The following CTNNA3 variants were observed in gnomAD, a reference collection of about 807,000 sequenced individuals.
The protein encoded by CTNNA3 is catenin alpha 3, also known as catenin alpha-3.
A neutral mutation model predicts 95.7 loss-of-function variants in CTNNA3; 76 were observed. The ratio of observed to expected loss-of-function variants is 0.79; its 90% CI spans 0.66 to 0.96. The LOEUF (loss-of-function observed/expected upper bound fraction) is 0.96, where lower values mean the gene tolerates loss of function less well. Among genes scored for constraint, CTNNA3 ranks in the 40% least tolerant of loss-of-function variants. The pLI is 0.00. For synonymous variants in CTNNA3, 431 were observed against 374.4 expected, an observed-to-expected ratio of 1.15 and a Z score of -1.74; for missense variants, 1,191 against 1,089.8, an observed-to-expected ratio of 1.09 and a Z score of -1.31.
At chr10:66,094,475 A>C (rs190798080) in intron 14 of CTNNA3, among the ~76,000 whole-genome samples, 1 of 152,224 alleles carries the variant, frequency 6.6e-6, no homozygotes, top group African/African-American at 2.4e-5. Flanking sequence ...TACAAAACTG[A>C]TGGCAGGAGA....
intron 13 of CTNNA3, among the ~76,000 whole-genome samples, chr10:66,224,712 CTT>C (rs748158656): frequency 1.3e-5 from 2 of 152,112 alleles, no homozygotes; most frequent in Non-Finnish European, 2.9e-5. Context: ...AAGGATGTGG[CTT>C]TCTTAAAATA....
intron 3 of CTNNA3, among the ~76,000 whole-genome samples, chr10:67,590,278 T>A (rs745682747): frequency 3.3e-5 from 5 of 152,132 alleles, no homozygotes; most frequent in African/African-American, 4.8e-5. Flanking sequence ...TGTGTTTGCA[T>A]AATTCAAATG....
At chr10:66,059,435 A>G (rs960440177) in intron 15 of CTNNA3, among the ~76,000 whole-genome samples, 1 of 152,150 alleles carries the variant, frequency 6.6e-6, no homozygotes, top group Non-Finnish European at 1.5e-5. Flanking sequence ...ACTCAGGTAT[A>G]AAAACCTTGA....
At chr10:67,541,277 G>T (rs1291889698) in intron 3 of CTNNA3, among the ~76,000 whole-genome samples, 2 of 151,636 alleles carry the variant, frequency 1.3e-5, no homozygotes, top group Non-Finnish European at 1.5e-5. Flanking sequence ...ATACAAAAGG[G>T]TCTGTCTTAT....
At chr10:67,543,662 G>T (rs116315610) in intron 3 of CTNNA3, among the ~76,000 whole-genome samples, 27 of 152,156 alleles carry the variant, frequency 1.8e-4, no homozygotes, top group African/African-American at 6.3e-4. Context: ...ATATGCATCT[G>T]TCCAAGTGAT....
chr10:66,369,335 C>G (rs1034242521), intron 12 of CTNNA3, among the ~76,000 whole-genome samples: 1 of 152,080 alleles, frequency 6.6e-6, no homozygotes, highest in African/African-American at 2.4e-5. Context: ...TGGCTTTATT[C>G]GAACTACTTC....
intron 13 of CTNNA3, among the ~76,000 whole-genome samples, chr10:66,168,906 T>C (rs1004287685): frequency 5.9e-5 from 9 of 152,178 alleles, no homozygotes; most frequent in African/African-American, 9.7e-5. Context: ...AATTCAAAGA[T>C]ATGATTTCTT....
At chr10:66,182,996 T>C (rs2086136000) in intron 13 of CTNNA3, among the ~76,000 whole-genome samples, 2 of 152,078 alleles carry the variant, frequency 1.3e-5, no homozygotes, top group Admixed American at 6.5e-5. Context: ...CCCAGCAGAG[T>C]GTTCACTATC....
At chr10:67,319,517 T>C (rs1213475527) in intron 5 of CTNNA3, among the ~76,000 whole-genome samples, 3 of 152,152 alleles carry the variant, frequency 2.0e-5, no homozygotes, top group African/African-American at 7.2e-5. Context: ...AGAAAGTTAA[T>C]GGAGCTCCCT....
intron 13 of CTNNA3, among the ~76,000 whole-genome samples, chr10:66,176,206 AATT>A (rs1450852640): frequency 6.6e-6 from 1 of 152,164 alleles, no homozygotes; most frequent in Non-Finnish European, 1.5e-5. Context: ...GAAAGAGTAT[AATT>A]ATACAATTAA....
chr10:66,230,730 G>A (rs2089545570), intron 13 of CTNNA3, among the ~76,000 whole-genome samples: 1 of 152,132 alleles, frequency 6.6e-6, no homozygotes, highest in Non-Finnish European at 1.5e-5. Flanking sequence ...GTCCCTGATG[G>A]TGATGGAAAG....
chr10:66,972,713 T>C (rs1290254321), intron 7 of CTNNA3, among the ~76,000 whole-genome samples: 1 of 149,114 alleles, frequency 6.7e-6, no homozygotes, highest in Non-Finnish European at 1.5e-5. Flanking sequence ...TTTTTTTTTT[T>C]TTTTTTTTTT....
At chr10:67,184,960 A>C (rs1021998330) in intron 6 of CTNNA3, among the ~76,000 whole-genome samples, 1 of 152,198 alleles carries the variant, frequency 6.6e-6, no homozygotes, top group African/African-American at 2.4e-5. Flanking sequence ...GTTGAAATCC[A>C]TGCATAGTTT....
chr10:66,766,353 C>A lies in CTNNA3; in HGVS notation c.1192G>T (p.Val398Phe). ...SFLDTTVPLL[V>F]LIEAAKNGRE... ...CCATTCTTAGCAGCTTCAATGAGAACCAAAAGAGGGACTGTCGTATCCAGG... is the reference window on the plus strand; with the variant it reads ...CCATTCTTAGCAGCTTCAATGAGAAACAAAAGAGGGACTGTCGTATCCAGG... Residue 398 changes from valine to phenylalanine, a missense_variant, in exon 9 of 18, where the codon GTT becomes TTT. Coordinates refer to ENST00000433211, the MANE Select transcript of CTNNA3 (RefSeq NM_013266.4). The A allele has an allele frequency of 6.2e-7, 1 of 1,613,618 alleles. No individual in the cohort carries two copies. Among genetic ancestry groups the A allele is most frequent in the Non-Finnish European group, 8.5e-7 (1 of 1,179,724 alleles).
chr10:67,039,318 A>G (rs1395380397), intron 7 of CTNNA3, among the ~76,000 whole-genome samples: 1 of 152,142 alleles, frequency 6.6e-6, no homozygotes, highest in Non-Finnish European at 1.5e-5. Flanking sequence ...CAGTTAACAT[A>G]AATGCTAAAA....
intron 13 of CTNNA3, among the ~76,000 whole-genome samples, chr10:66,109,005 C>T (rs960665390): frequency 6.6e-6 from 1 of 152,148 alleles, no homozygotes; most frequent in African/African-American, 2.4e-5. Flanking sequence ...AAGAGATTCT[C>T]AGATGTGGAG....
At chr10:67,214,647 A>G (rs551615450) in intron 6 of CTNNA3, among the ~76,000 whole-genome samples, 1 of 152,058 alleles carries the variant, frequency 6.6e-6, no homozygotes, top group East Asian at 1.9e-4. Context: ...AGTTGTTGAC[A>G]ATAAACTATT....
At chr10:67,260,569 T>C (rs1205994980) in intron 5 of CTNNA3, among the ~76,000 whole-genome samples, 1 of 152,188 alleles carries the variant, frequency 6.6e-6, no homozygotes, top group Non-Finnish European at 1.5e-5. Flanking sequence ...TCCAAACCAT[T>C]AGGCAAGAAG....
chr10:67,627,749 T>C (rs1210610729), intron 2 of CTNNA3, among the ~76,000 whole-genome samples: 1 of 151,978 alleles, frequency 6.6e-6, no homozygotes. Flanking sequence ...AATTATAAAA[T>C]TGTTTTCATT....
Sources: allele counts gnomAD v4.1 joint callset (sites outside exome capture counted in the v4.1 genomes callset), GRCh38; gene constraint gnomAD v4.1.1; transcripts MANE v1.5; gene names NCBI Gene and HGNC (gene_info 2026-07-23, HGNC 2026-07-21).